Variants in C13orf46 observed in about 807,000 individuals in gnomAD.
C13orf46 encodes uncharacterized protein C13orf46.
the C13orf46 span, among the ~76,000 whole-genome samples, chr13:113,935,499 C>A: frequency 2.6e-5 from 4 of 152,258 alleles, no homozygotes; most frequent in Non-Finnish European, 5.9e-5. Context: ...AGTCCTGATT[C>A]TACCAACCCT....
At chr13:113,952,492 C>T (rs889645637), downstream of C13orf46, among the ~76,000 whole-genome samples, 1 of 152,196 alleles carries the variant, frequency 6.6e-6, no homozygotes, top group Non-Finnish European at 1.5e-5. Context: ...GGCCATCTCC[C>T]CCAGCCTGGG....
At chr13:113,945,051 G>A in the C13orf46 span, among the ~76,000 whole-genome samples, 1 of 149,476 alleles carries the variant, frequency 6.7e-6, no homozygotes. Context: ...AAGTCCTCCA[G>A]GTGTGTGATG....
the C13orf46 span, among the ~76,000 whole-genome samples, chr13:113,945,669 AAAGG>A: frequency 1.5e-3 from 196 of 132,012 alleles, 1 homozygote; most frequent in African/African-American, 2.1e-3. Flanking sequence ...AGAAAGAAAG[AAAGG>A]AAAGAAAAAC....
chr13:113,955,309 A>AGAGGAGTAGTATCTGGCGGAGAG lies in C13orf46; in HGVS notation c.*1463_*1464insCTCTCCGCCAGATACTACTCCTC, dbSNP rs2052516605. 1.8e-5 allele frequency: 2 copies of AGAGGAGTAGTATCTGGCGGAGAG among 111,664 alleles called. No individual in the cohort carries two copies. Among genetic ancestry groups the AGAGGAGTAGTATCTGGCGGAGAG allele is most frequent in the Admixed American group, 1.1e-4 (1 of 8,940 alleles). 6.9% of individuals were successfully genotyped at this position (111,664 alleles called of 1,614,324 possible). ...GGCGGAGAGGAGTAGTATCTGGCAG[A>AGAGGAGTAGTATCTGGCGGAGAG]GAGGAGTAGTATCTGGTGGAGAGGA... On this transcript the variant is annotated 3_prime_UTR_variant, in exon 7 of 7. Transcript: ENST00000636427.
chr13:113,953,221 T>A (rs994587767), downstream of C13orf46, among the ~76,000 whole-genome samples: 24 of 152,090 alleles, frequency 1.6e-4, no homozygotes, highest in African/African-American at 5.3e-4. Context: ...CTGATGGGAG[T>A]TGGGGCCCAA....
chr13:113,942,959 T>A, the C13orf46 span, among the ~76,000 whole-genome samples: 1 of 152,204 alleles, frequency 6.6e-6, no homozygotes, highest in Non-Finnish European at 1.5e-5. Flanking sequence ...CCGGCGGCCA[T>A]GGCTCTCTAA....
chr13:113,970,557 CTT>C (rs994254510), intron 1 of C13orf46: 4 of 152,254 alleles, frequency 2.6e-5, no homozygotes, highest in African/African-American at 9.7e-5. Context: ...TGAAACTCCT[CTT>C]TGTCCTAGCA....
chr13:113,932,823 C>A, the C13orf46 span, among the ~76,000 whole-genome samples: 5 of 152,128 alleles, frequency 3.3e-5, no homozygotes, highest in Non-Finnish European at 5.9e-5. Flanking sequence ...CTTCTTCTTA[C>A]AAGTTTTACT....
At chr13:113,962,046 T>C (rs2052591234) in intron 6 of C13orf46, among the ~76,000 whole-genome samples, 1 of 152,232 alleles carries the variant, frequency 6.6e-6, no homozygotes, top group East Asian at 1.9e-4. Context: ...GGGGATGTAT[T>C]GTGTTGGGCA....
chr13:113,970,102 C>T (rs1323571010), intron 2 of C13orf46, 69 bp downstream of exon 2: 1 of 152,408 alleles, frequency 6.6e-6, no homozygotes, highest in Non-Finnish European at 1.5e-5. Context: ...ACACCCCACC[C>T]TCTCCTGTGT....
At chr13:113,945,605 G>GAAAGAAAGAAAGA in the C13orf46 span, among the ~76,000 whole-genome samples, 1 of 93,706 alleles carries the variant, frequency 1.1e-5, no homozygotes, top group Non-Finnish European at 2.2e-5. Flanking sequence ...AAGAAAGAAA[G>GAAAGAAAGAAAGA]AAGAAAGAAA....
At chr13:113,945,554 AAAG>A in the C13orf46 span, among the ~76,000 whole-genome samples, 4 of 97,898 alleles carry the variant, frequency 4.1e-5, no homozygotes, top group Admixed American at 4.1e-4. Context: ...AGAAAGAAAG[AAAG>A]AAAGAAAGAA....
At chr13:113,969,422 G>A (rs1319599048) in intron 2 of C13orf46, among the ~76,000 whole-genome samples, 5 of 152,212 alleles carry the variant, frequency 3.3e-5, no homozygotes, top group South Asian at 2.1e-4. Flanking sequence ...TGAGCTCTAC[G>A]GAGTGGGAGG....
In C13orf46 at chr13:113,953,911, A is replaced by T. The variant is rs1247468244; in HGVS notation, c.*2862T>A. 1 of 152,230 alleles carries T rather than the reference A, an allele frequency of 6.6e-6. No individual in the cohort carries two copies. Among genetic ancestry groups the T allele is most frequent in the Non-Finnish European group, 1.5e-5 (1 of 68,066 alleles). 9.4% of individuals were successfully genotyped at this position (152,230 alleles called of 1,614,324 possible). A position where few individuals can be genotyped will look rare whatever the true frequency, so the allele number is the denominator to read the frequency against. ...GTCCAGGACAGCCCGTCCAGGGCCC[A>T]TTTCCGGTTGTCTGGGAAATGATGA... On this transcript the variant is annotated 3_prime_UTR_variant, in exon 7 of 7. Coordinates refer to ENST00000636427, the MANE Select transcript of C13orf46 (RefSeq NM_001365455.2).
intron 6 of C13orf46, among the ~76,000 whole-genome samples, chr13:113,963,373 T>G (rs1258004634): frequency 1.7e-5 from 1 of 58,722 alleles, no homozygotes; most frequent in Non-Finnish European, 3.5e-5. Context: ...CCTCAGCCTC[T>G]CCCGTCCTCA....
At chr13:113,966,113 G>A (rs1013665096) in intron 5 of C13orf46, among the ~76,000 whole-genome samples, 5 of 60,198 alleles carry the variant, frequency 8.3e-5, no homozygotes, top group African/African-American at 3.7e-4. Context: ...TGATGATGAT[G>A]GTGATGATGG....
chr13:113,958,136 C>T (rs1041002497), intron 6 of C13orf46, among the ~76,000 whole-genome samples: 26 of 151,398 alleles, frequency 1.7e-4, no homozygotes, highest in Admixed American at 1.7e-3. Flanking sequence ...CCACATGCAC[C>T]CCCTTTCATC....
chr13:113,951,261 ACAGG>A (rs2052487591), downstream of C13orf46, among the ~76,000 whole-genome samples: 1 of 152,038 alleles, frequency 6.6e-6, no homozygotes, highest in Non-Finnish European at 1.5e-5. Flanking sequence ...CAGGACGGAA[ACAGG>A]CAGCCTGAGC....
the C13orf46 span, among the ~76,000 whole-genome samples, chr13:113,946,767 T>C: frequency 6.6e-6 from 1 of 152,052 alleles, no homozygotes; most frequent in Admixed American, 6.6e-5. Context: ...AGTAGAGGGG[T>C]CCGAAGCCTG....
Sources: gnomAD v4.1 joint callset for allele counts (sites outside exome capture counted in the v4.1 genomes callset) on GRCh38, gnomAD v4.1.1 for gene constraint, MANE v1.5 for transcripts, NCBI Gene and HGNC (gene_info 2026-07-23, HGNC 2026-07-21) for gene names.